PCLO: variants seen among roughly 807,000 people sequenced by gnomAD.
PCLO encodes protein piccolo.
A neutral mutation model predicts 427.5 loss-of-function variants in PCLO; 82 were observed. The observed-to-expected ratio is 0.19, with a 90% confidence interval of 0.16 to 0.23. The LOEUF (loss-of-function observed/expected upper bound fraction) is 0.23. Ranked by LOEUF, PCLO falls within the 10% of genes least tolerant of loss-of-function variation. PCLO has a pLI of 1.00. For synonymous variants in PCLO, 2,357 were observed against 2,155.4 expected (o/e 1.09, Z -2.59); for missense variants, 6,239 against 6,115.9 (o/e 1.02, Z -0.67).
intron 3 of PCLO, among the ~76,000 whole-genome samples, chr7:83,088,598 A>G (rs1000815815): frequency 6.6e-6 from 1 of 152,252 alleles, no homozygotes; most frequent in Admixed American, 6.5e-5. Context: ...CACAAGCAAC[A>G]TTACTCTGCA....
intron 3 of PCLO, among the ~76,000 whole-genome samples, chr7:83,070,353 G>A (rs567827797): frequency 6.6e-6 from 1 of 151,418 alleles, no homozygotes; most frequent in African/African-American, 2.4e-5. Context: ...AATAACTGGG[G>A]AAAGTAATAA....
intron 10 of PCLO, among the ~76,000 whole-genome samples, chr7:82,857,627 C>CTTT (rs1250932607): frequency 6.6e-6 from 1 of 151,860 alleles, no homozygotes; most frequent in Non-Finnish European, 1.5e-5. Flanking sequence ...CATAATTTGA[C>CTTT]AGATAAAATA....
chr7:83,092,762 A>C (rs1368923027), intron 3 of PCLO, among the ~76,000 whole-genome samples: 1 of 152,060 alleles, frequency 6.6e-6, no homozygotes, highest in African/African-American at 2.4e-5. Flanking sequence ...AGCCTGGCCA[A>C]CATGGTGAAA....
intron 6 of PCLO, among the ~76,000 whole-genome samples, chr7:82,942,301 T>C (rs1005761728): frequency 1.3e-5 from 2 of 152,192 alleles, no homozygotes; most frequent in Non-Finnish European, 2.9e-5. Context: ...AAGTCAGACG[T>C]CTCCCATGTT....
At chr7:83,023,524 C>A (rs1253900477) in intron 3 of PCLO, among the ~76,000 whole-genome samples, 1 of 152,158 alleles carries the variant, frequency 6.6e-6, no homozygotes, top group Non-Finnish European at 1.5e-5. Context: ...TACGACATAA[C>A]TGAATTTGAA....
rs1311008523 is a variant in PCLO at position 82,952,029 on chromosome 7, T to C, written c.8924A>G (p.Gln2975Arg). 6.2e-7 allele frequency: 1 copy of C among 1,613,976 alleles called. No individual in the cohort carries two copies. The highest frequency in any genetic ancestry group is 8.5e-7 in the Non-Finnish European group (1 of 1,179,848). Residue 2975 changes from glutamine (Q) to arginine (R), a missense_variant, in exon 5 of 25, where the codon CAG becomes CGG. Physicochemically the swap from Gln to Arg is conservative, Grantham distance 43 (BLOSUM62 1). Transcript: ENST00000333891. The stretch of plus-strand genomic sequence containing the variant: ...ACCATATGGCCCTGATCGATCATAC[T>C]GATAGTGGTCATCCCTATAACCAAA... ...DRFGYRDDHYQYDRSGPYGYR... is the reference protein window; with the variant it reads ...DRFGYRDDHYRYDRSGPYGYR...
At chr7:82,765,896 G>A (rs201528595) in intron 22 of PCLO, among the ~76,000 whole-genome samples, 2 of 147,712 alleles carry the variant, frequency 1.4e-5, no homozygotes, top group African/African-American at 2.5e-5. Context: ...TTAGCGGGGG[G>A]AGAAAAAAAA....
At chr7:82,980,073 T>C (rs148711394) in intron 3 of PCLO, among the ~76,000 whole-genome samples, 194 of 151,972 alleles carry the variant, frequency 1.3e-3, no homozygotes, top group African/African-American at 4.5e-3. Context: ...CCCTAGAACA[T>C]AGTCCATTCT....
chr7:82,777,387 G>T (rs1790776552), intron 22 of PCLO, among the ~76,000 whole-genome samples: 2 of 151,928 alleles, frequency 1.3e-5, no homozygotes, highest in Middle Eastern at 3.4e-3. Flanking sequence ...ATTCTTCAGA[G>T]AACTAGAAAA....
intron 3 of PCLO, among the ~76,000 whole-genome samples, chr7:83,092,359 T>C (rs1790398992): frequency 6.6e-6 from 1 of 150,908 alleles, no homozygotes; most frequent in African/African-American, 2.4e-5. Flanking sequence ...TAGCCCAGAA[T>C]TGACAACTAC....
At chr7:82,958,938 T>A (rs114515901) in intron 4 of PCLO, among the ~76,000 whole-genome samples, 1,812 of 152,266 alleles carry the variant, frequency 0.012, 36 homozygotes, top group African/African-American at 0.042. Context: ...AGCCCCATCC[T>A]CCCTTTACTG....
chr7:83,013,188 A>T (rs192408727), intron 3 of PCLO, among the ~76,000 whole-genome samples: 37 of 145,810 alleles, frequency 2.5e-4, no homozygotes, highest in African/African-American at 7.5e-4. Flanking sequence ...CTGTAATGAT[A>T]AAAAAAAGTA....
At chr7:83,044,527 T>C (rs1283598296) in intron 3 of PCLO, among the ~76,000 whole-genome samples, 1 of 152,206 alleles carries the variant, frequency 6.6e-6, no homozygotes, top group African/African-American at 2.4e-5. Context: ...ATGTGTCTTT[T>C]ACCATCAAAA....
chr7:83,023,835 T>C (rs1348879412), intron 3 of PCLO, among the ~76,000 whole-genome samples: 1 of 152,236 alleles, frequency 6.6e-6, no homozygotes, highest in Admixed American at 6.5e-5. Context: ...ATGTCATTGA[T>C]AGCAGAGAAG....
intron 6 of PCLO, among the ~76,000 whole-genome samples, chr7:82,921,670 T>C (rs879006044): frequency 1.3e-5 from 2 of 151,934 alleles, no homozygotes; most frequent in African/African-American, 4.8e-5. Flanking sequence ...AATGCAATTC[T>C]GAACATAAGA....
At chr7:82,910,150 C>T (rs199767443) in intron 7 of PCLO, among the ~76,000 whole-genome samples, 1 of 95,130 alleles carries the variant, frequency 1.1e-5, no homozygotes, top group Non-Finnish European at 2.4e-5. Context: ...AGTGCTTATC[C>T]TTTAAAGATT....
chr7:83,006,509 T>C (rs1562914636), intron 3 of PCLO, among the ~76,000 whole-genome samples: 1 of 151,588 alleles, frequency 6.6e-6, no homozygotes, highest in African/African-American at 2.4e-5. Context: ...CTCATACTGC[T>C]GTTTCATAAG....
At chr7:82,890,592 T>A (rs922902447) in intron 9 of PCLO, among the ~76,000 whole-genome samples, 3 of 152,012 alleles carry the variant, frequency 2.0e-5, no homozygotes, top group African/African-American at 7.2e-5. Context: ...GGTGGACAAA[T>A]TGTGTTTATA....
chr7:82,977,139 T>C lies in PCLO; in HGVS notation c.3301-10652A>G, dbSNP rs545804992. ...ACAGAACAGTGCCAATATTATCTAA[T>C]ACATTGGTTTGACACACCCAGGTCC... On this transcript the variant is annotated intron_variant, in intron 3 of 24. Coordinates refer to ENST00000333891, the MANE Select transcript of PCLO (RefSeq NM_033026.6). 1.5e-4 allele frequency among the ~76,000 whole-genome samples: 23 copies of C among 152,192 alleles called. No individual in the cohort carries two copies. In the East Asian group the frequency reaches 1.5e-3, roughly 10 times the overall value.
Sources: allele counts gnomAD v4.1 joint callset (sites outside exome capture counted in the v4.1 genomes callset), GRCh38; gene constraint gnomAD v4.1.1; transcripts MANE v1.5; gene names NCBI Gene and HGNC (gene_info 2026-07-23, HGNC 2026-07-21).